The following CUL9 variants were observed in gnomAD, a reference collection of about 807,000 sequenced individuals.
CUL9 encodes cullin-9.
A neutral mutation model predicts 272.6 loss-of-function variants in CUL9; 79 were observed. The ratio of observed to expected loss-of-function variants is 0.29; its 90% CI spans 0.24 to 0.35. The LOEUF (loss-of-function observed/expected upper bound fraction) is 0.35, where lower values mean the gene tolerates loss of function less well. CUL9 is among the 10% of genes least tolerant of loss of function. The pLI is 1.00. For synonymous variants in CUL9, 1,186 were observed against 1,286.5 expected (o/e 0.92, Z 1.67); for missense variants, 2,532 against 3,255.6 (o/e 0.78, Z 5.41).
At chr6:43,204,586 G>A (rs775116355) in intron 21 of CUL9, 47 bp downstream of exon 21, 2 of 1,609,264 alleles carry the variant, frequency 1.2e-6, no homozygotes, top group Admixed American at 1.7e-5. Flanking sequence ...GGACAGTGGT[G>A]TATCTGGCTC....
Position 43,221,839 on chromosome 6 carries a change from ACCAGGT to A in CUL9, c.6846+64_6846+69del. 6.9e-7 allele frequency: 1 copy of A among 1,442,040 alleles called. No homozygotes were observed. The highest frequency in any genetic ancestry group is 9.6e-7 in the Non-Finnish European group (1 of 1,041,108). The allele number at this position is 1,442,040 out of a possible 1,614,324, so 89.3% of individuals were successfully genotyped here. On this transcript the variant is annotated intron_variant, in intron 35 of 40. Coordinates refer to ENST00000252050, the MANE Select transcript of CUL9 (RefSeq NM_015089.4). This position sits in a 1 kb window ranked among gnomAD's most constrained non-coding sequence, Gnocchi z 4.2. ...AGAGCCGTCGGGGAGGGGTGCTGCT[ACCAGGT>A]CCTGGGCAGACAGGGCTCCTTGTGC...
intron 26 of CUL9, among the ~76,000 whole-genome samples, chr6:43,209,203 T>A (rs1293669797): frequency 6.6e-6 from 1 of 150,426 alleles, no homozygotes; most frequent in African/African-American, 2.5e-5. Flanking sequence ...TGGAGTGTAG[T>A]GGCGTGATCT....
chr6:43,185,647 G>T (rs1205498569), intron 3 of CUL9, 37 bp downstream of exon 3: 1 of 1,584,608 alleles, frequency 6.3e-7, no homozygotes, highest in Admixed American at 1.7e-5. Context: ...TGTGTACAAG[G>T]GCTAAGACAT....
rs1413512013 is a variant in CUL9 at position 43,184,506 on chromosome 6, T to G, written c.196T>G (p.Trp66Gly). Residue 66 changes from tryptophan (W) to glycine (G), a missense_variant, in exon 2 of 41, where the codon TGG becomes GGG. Around this residue, in one of 3 missense-constraint regions of CUL9, gnomAD observed 2,218 missense variants for 2,788.6 expected, o/e 0.80. Coordinates refer to ENST00000252050, the MANE Select transcript of CUL9 (RefSeq NM_015089.4). This position sits in a 1 kb window ranked among gnomAD's most constrained non-coding sequence, Gnocchi z 4.8. ...AGGCAAAGCAGAGCACATCCTCATG[T>G]GGCTGTCGGCTCCTGAGGTCTACGC... ...EEGKAEHILMWLSAPEVYANC... is the reference protein window; with the variant it reads ...EEGKAEHILMGLSAPEVYANC... The G allele has an allele frequency of 6.2e-7, 1 of 1,612,832 alleles. No individual in the cohort carries two copies. Among genetic ancestry groups the G allele is most frequent in the Admixed American group, 1.7e-5 (1 of 59,934 alleles).
chr6:43,210,324 G>A (rs1467533528), intron 26 of CUL9, among the ~76,000 whole-genome samples: 1 of 152,138 alleles, frequency 6.6e-6, no homozygotes, highest in East Asian at 1.9e-4. Flanking sequence ...ATATTTCCTT[G>A]TGATTAGATT....
chr6:43,205,972 A>G, intron 24 of CUL9, 35 bp from the exon 25 acceptor site: 1 of 1,599,436 alleles, frequency 6.3e-7, no homozygotes, highest in Non-Finnish European at 8.6e-7. Context: ...GCTGGCACCC[A>G]CACTGAGGCT....
At position 43,202,840 on chromosome 6, in the gene CUL9, A is replaced by G; in HGVS notation, c.3753+19A>G. ...CAACACGGTGGGGACCCTTGTGCCC[A>G]CCTTCACCTTGCTCCACATCCTTCT... On this transcript the variant is annotated intron_variant, in intron 17 of 40. Coordinates refer to ENST00000252050, the MANE Select transcript of CUL9 (RefSeq NM_015089.4). The G allele has an allele frequency of 6.2e-7, 1 of 1,606,870 alleles. No homozygotes were observed. The highest frequency in any genetic ancestry group is 8.5e-7 in the Non-Finnish European group (1 of 1,173,684).
Position 43,221,149 on chromosome 6 carries a change from T to C in CUL9, c.6589-9T>C. On this transcript the variant is annotated splice_polypyrimidine_tract_variant and intron_variant, in intron 33 of 40. Coordinates refer to ENST00000252050, the MANE Select transcript of CUL9 (RefSeq NM_015089.4). This position sits in a 1 kb window ranked among gnomAD's most constrained non-coding sequence, Gnocchi z 4.2. ...TCAGCTGTGTCCCCACCATGCCCTC[T>C]TGCCTTAGGCACACTACCCTGCTAG... is the stretch of plus-strand genomic sequence containing the variant. The C allele has an allele frequency of 6.2e-7, 1 of 1,609,708 alleles. No individual in the cohort carries two copies. Among genetic ancestry groups the C allele is most frequent in the Non-Finnish European group, 8.5e-7 (1 of 1,179,476 alleles).
At chr6:43,214,501 T>A (rs1313154659) in intron 29 of CUL9, among the ~76,000 whole-genome samples, 2 of 150,876 alleles carry the variant, frequency 1.3e-5, no homozygotes, top group Non-Finnish European at 3.0e-5. Context: ...AACAGTGAAG[T>A]ATGAGAAACT....
chr6:43,221,457 C>G lies in CUL9; in HGVS notation c.6752+136C>G, dbSNP rs1487588000. 8 of 1,066,768 alleles carry G rather than the reference C, an allele frequency of 7.5e-6. No homozygotes were observed. The highest frequency in any genetic ancestry group is 1.1e-5 in the Non-Finnish European group (8 of 754,312). The allele number at this position is 1,066,768 out of a possible 1,614,324, so 66.1% of individuals were successfully genotyped here. ...TCAGCCGCCCCTCACGTGGCAGCCTCCACGGTGACTTCCTGGATCTTAATG... is the reference window on the plus strand; with the variant it reads ...TCAGCCGCCCCTCACGTGGCAGCCTGCACGGTGACTTCCTGGATCTTAATG... On this transcript the variant is annotated intron_variant, in intron 34 of 40. Coordinates refer to ENST00000252050, the MANE Select transcript of CUL9 (RefSeq NM_015089.4). The surrounding 1 kb of genome is among the most constrained non-coding windows in gnomAD (Gnocchi z 4.2).
rs112334870 is a variant in CUL9, at chr6:43,196,273, C to T, written c.2585+8C>T. On this transcript the variant is annotated splice_region_variant and intron_variant, in intron 10 of 40. Transcript: ENST00000252050. The stretch of plus-strand genomic sequence containing the variant: ...GATGCTGAATACTGAGGGGTCAGGG[C>T]ATTACCTTCCCAACTCCAGGCTCCT... 1.7e-5 allele frequency: 28 copies of T among 1,607,976 alleles called. No individual in the cohort carries two copies. The African/African-American group carries it at 2.4e-4, about 14-fold the overall frequency.
In CUL9 at chr6:43,213,404, C is replaced by G. The variant is rs755642346; in HGVS notation, c.5359-34C>G. The G allele has an allele frequency of 1.9e-6, 3 of 1,612,544 alleles. No individual in the cohort carries two copies. Among genetic ancestry groups the G allele is most frequent in the Non-Finnish European group, 2.5e-6 (3 of 1,178,872 alleles). ...CTTACTCCCCTCTTCCTTTTCTTTC[C>G]TTTGACTCCTGACTGGGCGTTTCTG... On this transcript the variant is annotated intron_variant, in intron 27 of 40. Transcript: ENST00000252050. This position sits in a 1 kb window ranked among gnomAD's most constrained non-coding sequence, Gnocchi z 5.7.
intron 35 of CUL9, chr6:43,222,017 G>A: frequency 1.7e-6 from 1 of 595,354 alleles, no homozygotes; most frequent in East Asian, 2.8e-5. Flanking sequence ...AAAGGCTGGG[G>A]AGGGCTGGGC....
intron 8 of CUL9, among the ~76,000 whole-genome samples, chr6:43,190,408 T>G (rs1773353225): frequency 6.6e-6 from 1 of 152,180 alleles, no homozygotes. Context: ...TTGTTATTTA[T>G]GTTCCAGATA....
Position 43,223,894 on chromosome 6 carries a change from G to A in CUL9, c.7285-201G>A, listed in dbSNP as rs1361293153. 8 of 614,544 alleles carry A rather than the reference G, an allele frequency of 1.3e-5. No homozygotes were observed. Among genetic ancestry groups the A allele is most frequent in the East Asian group, 5.6e-5 (2 of 35,962 alleles). The allele number at this position is 614,544 out of a possible 1,614,324, so 38.1% of individuals were successfully genotyped here. A position where few individuals can be genotyped will look rare whatever the true frequency, so the allele number is the denominator to read the frequency against. On this transcript the variant is annotated intron_variant, in intron 39 of 40. Coordinates refer to ENST00000252050, the MANE Select transcript of CUL9 (RefSeq NM_015089.4). This position sits in a 1 kb window ranked among gnomAD's most constrained non-coding sequence, Gnocchi z 4.1. ...CTGTAAGCTCTTTAAGCACAGGGTC[G>A]TGTGCCTCACCTGGTACCCCGTATC...
chr6:43,186,569 T>C (rs1349640893), intron 4 of CUL9, 114 bp downstream of exon 4: 8 of 1,412,210 alleles, frequency 5.7e-6, no homozygotes, highest in East Asian at 2.4e-5. Context: ...CCCTGGGGAA[T>C]TGGAATGATA....
Position 43,221,659 on chromosome 6 carries a change from C to T in CUL9, c.6753-26C>T, listed in dbSNP as rs545845673. 1.1e-5 allele frequency: 18 copies of T among 1,605,924 alleles called. No homozygotes were observed. The South Asian group carries it at 1.2e-4, about 11-fold the overall frequency. ...CACACCCCTGCCCAGAGGCAGGAGT[C>T]CCTGACCAGCCAGCTTCCTCCATAG... On this transcript the variant is annotated intron_variant, in intron 34 of 40. Transcript: ENST00000252050. This position sits in a 1 kb window ranked among gnomAD's most constrained non-coding sequence, Gnocchi z 4.2.
At position 43,220,612 on chromosome 6, in the gene CUL9, G is replaced by C. The variant is rs181061875; in HGVS notation, c.6423+13G>C. 1 of 1,613,636 alleles carries C rather than the reference G, an allele frequency of 6.2e-7. No individual in the cohort carries two copies. Reference sequence around the variant, plus strand: ...GGTCATCTCCAAGGTATCCCCTCTCGTCTGAGAGAGGCTCCAGTGCAGAGC... The same window carrying C: ...GGTCATCTCCAAGGTATCCCCTCTCCTCTGAGAGAGGCTCCAGTGCAGAGC... On this transcript the variant is annotated intron_variant, in intron 32 of 40. Transcript: ENST00000252050. This position sits in a 1 kb window ranked among gnomAD's most constrained non-coding sequence, Gnocchi z 4.9.
intron 8 of CUL9, among the ~76,000 whole-genome samples, chr6:43,190,141 A>C (rs1454291206): frequency 6.6e-6 from 1 of 152,048 alleles, no homozygotes; most frequent in Non-Finnish European, 1.5e-5. Context: ...TTTCAAGTGC[A>C]GTGTTCTAAC....
Sources: allele counts gnomAD v4.1 joint callset (sites outside exome capture counted in the v4.1 genomes callset), GRCh38; gene constraint gnomAD v4.1.1; regional missense constraint gnomAD v4.1.1; non-coding constraint Gnocchi (gnomAD v3.1); transcripts MANE v1.5; gene names NCBI Gene and HGNC (gene_info 2026-07-23, HGNC 2026-07-21).